The following SLMAP variants were observed in gnomAD, a reference collection of about 807,000 sequenced individuals.
SLMAP encodes the protein sarcolemma associated protein.
SLMAP carries 44 observed loss-of-function variants against 128.8 expected under a neutral mutation model. The ratio of observed to expected loss-of-function variants is 0.34; its 90% CI spans 0.27 to 0.44. The LOEUF is 0.44. Ranked by LOEUF, SLMAP falls within the 20% of genes least tolerant of loss-of-function variation. The pLI, the probability that SLMAP is intolerant of heterozygous loss-of-function variation, is 1.00. For synonymous variants in SLMAP, 327 were observed against 348.8 expected, an observed-to-expected ratio of 0.94 and a Z score of 0.70; for missense variants, 787 against 985.3, an observed-to-expected ratio of 0.80 and a Z score of 2.69.
chr3:57,819,010 A>G (rs2092236291), intron 2 of SLMAP, among the ~76,000 whole-genome samples: 1 of 152,224 alleles, frequency 6.6e-6, no homozygotes, highest in African/African-American at 2.4e-5. Context: ...CCTCTGTACT[A>G]AACTCACATA....
chr3:57,827,358 A>C (rs1462324339), intron 2 of SLMAP, among the ~76,000 whole-genome samples: 1 of 152,266 alleles, frequency 6.6e-6, no homozygotes, highest in Non-Finnish European at 1.5e-5. Flanking sequence ...ATTCATCTAT[A>C]GCAGGAACTT....
At chr3:57,832,725 A>G (rs2093413190) in intron 3 of SLMAP, among the ~76,000 whole-genome samples, 1 of 152,082 alleles carries the variant, frequency 6.6e-6, no homozygotes, top group Admixed American at 6.6e-5. Flanking sequence ...ATGCATATTT[A>G]TGCATATACT....
chr3:57,775,891 G>A (rs1398029387), intron 2 of SLMAP, among the ~76,000 whole-genome samples: 3 of 152,030 alleles, frequency 2.0e-5, no homozygotes, highest in Admixed American at 6.5e-5. Flanking sequence ...TAGAGATGGC[G>A]TTTTACCATG....
chr3:57,879,117 C>A (rs1257929469), intron 14 of SLMAP, among the ~76,000 whole-genome samples: 1 of 152,208 alleles, frequency 6.6e-6, no homozygotes, highest in Non-Finnish European at 1.5e-5. Flanking sequence ...TTTGGCCTTT[C>A]AAAGCATTGA....
At chr3:57,823,330 A>C (rs1179680154) in intron 2 of SLMAP, among the ~76,000 whole-genome samples, 1 of 152,068 alleles carries the variant, frequency 6.6e-6, no homozygotes, top group Non-Finnish European at 1.5e-5. Flanking sequence ...TTAACTCGTC[A>C]TTTAACATTA....
chr3:57,857,569 G>A (rs771087273), intron 6 of SLMAP, among the ~76,000 whole-genome samples, 164 bp from the exon 7 acceptor site: 2 of 152,240 alleles, frequency 1.3e-5, no homozygotes, highest in Middle Eastern at 3.4e-3. Flanking sequence ...AGAGATAAGC[G>A]GGGACTGCTG....
At chr3:57,844,448 C>CT (rs1475970445) in intron 4 of SLMAP, among the ~76,000 whole-genome samples, 3 of 151,952 alleles carry the variant, frequency 2.0e-5, no homozygotes, top group African/African-American at 4.8e-5. Context: ...TCCCACCACT[C>CT]TAACACTAAG....
chr3:57,847,362 A>G (rs558588685), intron 5 of SLMAP, 129 bp downstream of exon 5: 5 of 597,220 alleles, frequency 8.4e-6, no homozygotes, highest in Middle Eastern at 8.7e-4. Flanking sequence ...GCATATAGCT[A>G]TATAGTTATT....
intron 8 of SLMAP, among the ~76,000 whole-genome samples, chr3:57,860,432 G>T (rs1179033257): frequency 6.6e-6 from 1 of 151,976 alleles, no homozygotes; most frequent in Non-Finnish European, 1.5e-5. Context: ...AAATATAAAA[G>T]TAACTAATTT....
chr3:57,927,006 A>G (rs2153713129), intron 24 of SLMAP, among the ~76,000 whole-genome samples: 1 of 152,298 alleles, frequency 6.6e-6, no homozygotes. Context: ...CAGAGCCCAC[A>G]AATTTTCTTA....
In SLMAP at chr3:57,757,845, G is replaced by A; in HGVS notation, c.194G>A (p.Gly65Asp). Residue 65 changes from glycine (G) to aspartate (D), a missense_variant, in exon 2 of 25, where the codon GGC (glycine) becomes GAC (aspartate). By Grantham distance (94) the Gly-to-Asp change is moderately conservative (BLOSUM62 -1). Around this residue, in one of 2 missense-constraint regions of SLMAP, gnomAD observed 72 missense variants for 141.8 expected, o/e 0.51. Transcript: ENST00000671191. Reference sequence around the variant, plus strand: ...CTCGTCTGGTTTGATCACAAGACGGGCAAGGTAATGTCACCACATTGTCCA... The same window carrying A: ...CTCGTCTGGTTTGATCACAAGACGGACAAGGTAATGTCACCACATTGTCCA... ...HALVWFDHKT[G>D]KFYLQDTKSS... 1 of 1,613,992 alleles carries A rather than the reference G, an allele frequency of 6.2e-7. No individual in the cohort carries two copies. Among genetic ancestry groups the A allele is most frequent in the Non-Finnish European group, 8.5e-7 (1 of 1,179,900 alleles).
intron 13 of SLMAP, among the ~76,000 whole-genome samples, chr3:57,869,951 T>C (rs2095442694): frequency 6.6e-6 from 1 of 151,696 alleles, no homozygotes; most frequent in South Asian, 2.1e-4. Flanking sequence ...AAATAAAATG[T>C]ATTTTAAGTA....
At chr3:57,923,777 T>C (rs2096956313) in intron 23 of SLMAP, among the ~76,000 whole-genome samples, 1 of 152,192 alleles carries the variant, frequency 6.6e-6, no homozygotes, top group Non-Finnish European at 1.5e-5. Context: ...GCCACTTCGC[T>C]TACCTTGCAG....
intron 2 of SLMAP, among the ~76,000 whole-genome samples, chr3:57,775,719 G>A (rs1259675874): frequency 6.6e-6 from 1 of 151,904 alleles, no homozygotes; most frequent in East Asian, 1.9e-4. Flanking sequence ...TTATTGTTGA[G>A]ACGGAGTGTC....
intron 4 of SLMAP, among the ~76,000 whole-genome samples, chr3:57,842,514 T>G (rs1415102889): frequency 1.3e-5 from 2 of 152,190 alleles, no homozygotes; most frequent in African/African-American, 4.8e-5. Context: ...GAGTAACTAT[T>G]AATCAACTAA....
chr3:57,923,037 A>G lies in SLMAP; in HGVS notation c.2445+14A>G. 6.2e-7 allele frequency: 1 copy of G among 1,612,172 alleles called. No individual in the cohort carries two copies. ...AAAGGAAATAATGTAAGTCTTTGCA[A>G]ACTTGGCTTAGCTTTGATTGAGAGG... is the stretch of plus-strand genomic sequence containing the variant. On this transcript the variant is annotated intron_variant, in intron 23 of 24. Coordinates refer to ENST00000671191, the MANE Select transcript of SLMAP (RefSeq NM_001377540.1).
intron 2 of SLMAP, among the ~76,000 whole-genome samples, chr3:57,761,175 A>G (rs560849311): frequency 3.3e-5 from 5 of 152,266 alleles, no homozygotes; most frequent in South Asian, 4.1e-4. Flanking sequence ...TTAGTGGGGA[A>G]GAGGGAACTA....
At chr3:57,866,183 G>A (rs2095297049) in intron 13 of SLMAP, among the ~76,000 whole-genome samples, 1 of 152,016 alleles carries the variant, frequency 6.6e-6, no homozygotes, top group Non-Finnish European at 1.5e-5. Context: ...GAGGTGGGAG[G>A]GTCAGCTGAG....
At chr3:57,884,436 C>T (rs997325002) in intron 14 of SLMAP, among the ~76,000 whole-genome samples, 4 of 152,166 alleles carry the variant, frequency 2.6e-5, no homozygotes, top group Non-Finnish European at 5.9e-5. Context: ...TGCTCGTCAA[C>T]AGGCTTATAT....
Sources: allele counts gnomAD v4.1 joint callset (sites outside exome capture counted in the v4.1 genomes callset), GRCh38; gene constraint gnomAD v4.1.1; regional missense constraint gnomAD v4.1.1; transcripts MANE v1.5; gene names NCBI Gene and HGNC (gene_info 2026-07-23, HGNC 2026-07-21).